Variants in COL9A3 observed in about 807,000 individuals in gnomAD.
COL9A3 encodes the protein collagen alpha-3(IX) chain.
In COL9A3, 82 loss-of-function variants were observed where a neutral mutation model predicts 110.2. The observed-to-expected ratio is 0.74, with a 90% CI of 0.62 to 0.89. COL9A3 has a LOEUF of 0.89. Among genes scored for constraint, COL9A3 ranks in the 40% least tolerant of loss-of-function variants. COL9A3 has a pLI of 0.00. For missense variants in COL9A3, 1,066 were observed against 981.3 expected (o/e 1.09, Z -1.15); for synonymous variants, 494 against 403.8 (o/e 1.22, Z -2.68).
chr20:62,836,854 C>G, intron 29 of COL9A3: 5 of 679,244 alleles, frequency 7.4e-6, no homozygotes, highest in South Asian at 1.7e-5. Context: ...CTAAACACCC[C>G]CAAGGGCACT....
intron 1 of COL9A3, 95 bp downstream of exon 1, chr20:62,817,237 G>A (rs1990958379): frequency 3.3e-6 from 3 of 921,802 alleles, no homozygotes; most frequent in Admixed American, 4.6e-5. Context: ...CAGCCTCGAC[G>A]CCCCCAGCCC....
In COL9A3 at chr20:62,823,816, G is replaced by A. The variant is rs558077421; in HGVS notation, c.520-629G>A. Among the ~76,000 whole-genome samples the A allele has an allele frequency of 5.2e-5, 8 of 152,382 alleles. No homozygotes were observed. The South Asian group carries it at 1.7e-3, about 32-fold the overall frequency. ...GGGCCCGACCTGAGGCTGCTGCAAG[G>A]CCCCCTGCAGTGCCGGCCGGGACTG... On this transcript the variant is annotated intron_variant, in intron 10 of 31. Coordinates refer to ENST00000649368, the MANE Select transcript of COL9A3 (RefSeq NM_001853.4).
chr20:62,821,276 T>TCTAAATGGGGTGGCCTCCAGGAA lies in COL9A3; in HGVS notation c.345+61_345+83dup. 1.9e-6 allele frequency: 3 copies of TCTAAATGGGGTGGCCTCCAGGAA among 1,560,200 alleles called. 1 individual carries two copies. Among genetic ancestry groups the TCTAAATGGGGTGGCCTCCAGGAA allele is most frequent in the Middle Eastern group, 3.4e-4 (2 of 5,926 alleles). ...GAGTTTGGGGAGCTGGAGAGTCTGG[T>TCTAAATGGGGTGGCCTCCAGGAA]CTAAATGGGGTGGCCTCCAGGAATC... On this transcript the variant is annotated intron_variant, in intron 6 of 31. Transcript: ENST00000649368.
At position 62,840,735 on chromosome 20, in the gene COL9A3, T is replaced by C. The variant is rs763291545; in HGVS notation, c.*3T>C. On this transcript the variant is annotated 3_prime_UTR_variant, in exon 32 of 32. Coordinates refer to ENST00000649368, the MANE Select transcript of COL9A3 (RefSeq NM_001853.4). The stretch of plus-strand genomic sequence containing the variant: ...AATCAGGCTCTCGAAGCTCATAAAA[T>C]TCAACGTGAGGAAGCAAGTGACAAG... 1.5e-5 allele frequency: 23 copies of C among 1,561,598 alleles called. No homozygotes were observed. In the Admixed American group the frequency reaches 2.9e-4, roughly 20 times the overall value.
At chr20:62,822,749 C>T (rs930459127) in intron 10 of COL9A3, 117 bp downstream of exon 10, 2 of 1,135,694 alleles carry the variant, frequency 1.8e-6, no homozygotes, top group Admixed American at 1.8e-5. Flanking sequence ...CGAGCCCTCC[C>T]TGGGGACAGG....
intron 4 of COL9A3, among the ~76,000 whole-genome samples, chr20:62,819,669 C>T (rs1991055067): frequency 6.6e-6 from 1 of 152,232 alleles, no homozygotes; most frequent in Non-Finnish European, 1.5e-5. Flanking sequence ...CTGTCCAGTC[C>T]TGCTGGGTTG....
At chr20:62,825,738 G>A in intron 12 of COL9A3, 79 bp from the exon 13 acceptor site, 1 of 1,436,558 alleles carries the variant, frequency 7.0e-7, no homozygotes, top group Non-Finnish European at 9.6e-7. Context: ...GCTTGGGCTT[G>A]AGTAGGGTGA....
intron 11 of COL9A3, 78 bp from the exon 12 acceptor site, chr20:62,824,890 G>T: frequency 7.0e-7 from 1 of 1,434,970 alleles, no homozygotes. Context: ...GACTGACCCT[G>T]CAGGCCTCAC....
intron 24 of COL9A3, 57 bp from the exon 25 acceptor site, chr20:62,832,097 G>C (rs764057292): frequency 1.3e-4 from 205 of 1,558,850 alleles, no homozygotes; most frequent in Non-Finnish European, 1.6e-4. Context: ...CCCAGGGCAG[G>C]CTCACTTTAG....
intron 25 of COL9A3, 161 bp from the exon 26 acceptor site, chr20:62,832,859 T>G: frequency 4.5e-6 from 3 of 672,792 alleles, no homozygotes; most frequent in East Asian, 2.7e-5. Context: ...CCAAGGGCTG[T>G]GTTTGGAGCG....
Position 62,818,461 on chromosome 20 carries a change from G to A in COL9A3, c.148-57G>A, listed in dbSNP as rs893071184. On this transcript the variant is annotated intron_variant, in intron 2 of 31. Transcript: ENST00000649368. ...CCAGCGCTGCTCTTTTCCCCGAGGC[G>A]GGGTTCTTGAGGGACCCCTGATTTT... is the stretch of plus-strand genomic sequence containing the variant. 1.4e-5 allele frequency: 21 copies of A among 1,533,672 alleles called. 1 individual carries two copies. In the Admixed American group the frequency reaches 2.0e-4, roughly 15 times the overall value.
chr20:62,819,392 G>A, intron 4 of COL9A3, 99 bp downstream of exon 4: 3 of 1,201,614 alleles, frequency 2.5e-6, no homozygotes, highest in East Asian at 2.5e-5. Context: ...GCCTGCTCAG[G>A]CGGGAAGCCC....
intron 28 of COL9A3, 62 bp from the exon 29 acceptor site, chr20:62,836,415 CG>C: frequency 6.2e-7 from 1 of 1,613,592 alleles, no homozygotes; most frequent in Non-Finnish European, 8.5e-7. Context: ...TGCGGGGTGA[CG>C]GTGGGAATGC....
At chr20:62,827,163 C>G (rs2063559866) in intron 15 of COL9A3, 78 bp from the exon 16 acceptor site, 7 of 1,473,460 alleles carry the variant, frequency 4.8e-6, no homozygotes, top group Non-Finnish European at 5.7e-6. Context: ...CCCGCCCGGG[C>G]CTGGAGGGGC....
At chr20:62,830,252 C>A in intron 22 of COL9A3, 108 bp from the exon 23 acceptor site, 1 of 1,322,508 alleles carries the variant, frequency 7.6e-7, no homozygotes, top group Non-Finnish European at 1.1e-6. Flanking sequence ...TTAGAACCGG[C>A]TCCTGTGTCC....
At chr20:62,830,184 C>T (rs2063584358) in intron 22 of COL9A3, among the ~76,000 whole-genome samples, 176 bp from the exon 23 acceptor site, 2 of 152,096 alleles carry the variant, frequency 1.3e-5, no homozygotes, top group Non-Finnish European at 2.9e-5. Flanking sequence ...TTCTGAGACC[C>T]CCTAAACTGC....
At chr20:62,830,315 C>G (rs550903300) in intron 22 of COL9A3, 45 bp from the exon 23 acceptor site, 2 of 1,552,100 alleles carry the variant, frequency 1.3e-6, no homozygotes, top group South Asian at 1.2e-5. Context: ...TTGGGGACTC[C>G]TCGAACCCTG....
intron 4 of COL9A3, 83 bp from the exon 5 acceptor site, chr20:62,819,846 A>G (rs1991060344): frequency 6.7e-7 from 1 of 1,482,990 alleles, no homozygotes; most frequent in African/African-American, 1.4e-5. Flanking sequence ...CACCAAGGGA[A>G]GGGTCCGTGC....
At chr20:62,817,943 G>A in intron 2 of COL9A3, 1 of 484,860 alleles carries the variant, frequency 2.1e-6, no homozygotes, top group East Asian at 4.4e-5. Flanking sequence ...GAAGTGGGGA[G>A]AGGCACGTCC....
Sources: allele counts gnomAD v4.1 joint callset (sites outside exome capture counted in the v4.1 genomes callset), GRCh38; gene constraint gnomAD v4.1.1; transcripts MANE v1.5; gene names NCBI Gene and HGNC (gene_info 2026-07-23, HGNC 2026-07-21).